Variants in ROR2 observed in about 807,000 individuals in gnomAD.
The protein encoded by ROR2 is tyrosine-protein kinase transmembrane receptor ROR2.
Under a neutral mutation model 74.9 loss-of-function variants are expected in ROR2, and 33 were observed. That is an observed-to-expected ratio of 0.44 (90% CI 0.33 to 0.59). The LOEUF (loss-of-function observed/expected upper bound fraction) is 0.59. Among genes scored for constraint, ROR2 ranks in the 20% least tolerant of loss-of-function variants. The pLI, the probability that ROR2 is intolerant of heterozygous loss-of-function variation, is 0.02. For missense variants in ROR2, 1,216 were observed against 1,313.8 expected (o/e 0.93, Z 1.15); for synonymous variants, 586 against 558.7 (o/e 1.05, Z -0.69).
At chr9:91,738,688 G>A (rs561585982) in intron 4 of ROR2, among the ~76,000 whole-genome samples, 2 of 152,350 alleles carry the variant, frequency 1.3e-5, no homozygotes, top group South Asian at 4.1e-4. Flanking sequence ...AGAACTCACA[G>A]AATGGCATAC....
intron 1 of ROR2, among the ~76,000 whole-genome samples, chr9:91,871,947 G>A (rs558742581): frequency 1.5e-4 from 23 of 152,026 alleles, no homozygotes; most frequent in Non-Finnish European, 2.9e-4. Flanking sequence ...GCATCTTACC[G>A]CAGCCAGCAT....
intron 1 of ROR2, among the ~76,000 whole-genome samples, chr9:91,917,321 C>T (rs1174709155): frequency 6.6e-6 from 1 of 152,148 alleles, no homozygotes; most frequent in African/African-American, 2.4e-5. Context: ...AATCTCAAAC[C>T]CAGACACGTG....
intron 5 of ROR2, 27 bp downstream of exon 5, chr9:91,737,364 C>A: frequency 6.2e-7 from 1 of 1,614,016 alleles, no homozygotes; most frequent in South Asian, 1.1e-5. Context: ...TGCTTATCAT[C>A]CTGGGAGAAA....
intron 2 of ROR2, among the ~76,000 whole-genome samples, chr9:91,771,270 C>T (rs971263590): frequency 5.3e-5 from 8 of 152,336 alleles, no homozygotes; most frequent in Non-Finnish European, 7.3e-5. Context: ...GGCCAGCAGA[C>T]GGGCGAGCCC....
intron 1 of ROR2, among the ~76,000 whole-genome samples, chr9:91,893,488 C>A (rs148920471): frequency 0.013 from 2,041 of 152,212 alleles, 26 homozygotes; most frequent in Middle Eastern, 0.024. Context: ...ACCAACCCTT[C>A]TTCCCCACAC....
At chr9:91,917,775 G>C (rs552500724) in intron 1 of ROR2, among the ~76,000 whole-genome samples, 58 of 152,342 alleles carry the variant, frequency 3.8e-4, no homozygotes, top group African/African-American at 1.3e-3. Context: ...AGCAAAGCCA[G>C]ACAGGCCAGC....
chr9:91,841,083 C>G (rs1828769290), intron 1 of ROR2, among the ~76,000 whole-genome samples: 1 of 152,234 alleles, frequency 6.6e-6, no homozygotes, highest in Non-Finnish European at 1.5e-5. Context: ...TGGGTCCAGT[C>G]TCATTCCCCG....
At chr9:91,887,794 T>TA (rs1830326574) in intron 1 of ROR2, among the ~76,000 whole-genome samples, 1 of 140,044 alleles carries the variant, frequency 7.1e-6, no homozygotes. Context: ...TTCTCTTTTT[T>TA]TTTTTTTTTT....
intron 1 of ROR2, 25 bp from the exon 2 acceptor site, chr9:91,775,843 TA>T (rs1331523562): frequency 1.2e-6 from 2 of 1,608,554 alleles, no homozygotes; most frequent in Non-Finnish European, 1.7e-6. Context: ...CCAGGATAGG[TA>T]TTAAACAAGT....
chr9:91,863,254 G>A (rs1234660892), intron 1 of ROR2, among the ~76,000 whole-genome samples: 1 of 152,186 alleles, frequency 6.6e-6, no homozygotes, highest in Non-Finnish European at 1.5e-5. Context: ...CTGAACTCCT[G>A]GCCTCAAGTG....
rs1335763127 is a variant in ROR2 at position 91,726,561 on chromosome 9, G to A, written c.1366C>T (p.Leu456Phe). ...GAGACCTGTTTGTGCTGGTTAATGA[G>A]GGGCATTTCCATGTCTTGGCTGGGC... Reference protein sequence around the residue: ...ASPSQDMEMPLINQHKQAKLK... With the variant: ...ASPSQDMEMPFINQHKQAKLK... The change falls in exon 8 of 9, where the codon CTC (leucine) becomes TTC (phenylalanine). Residue 456 changes from leucine to phenylalanine, a missense_variant. Transcript: ENST00000375708. 20 of 1,612,538 alleles carry A rather than the reference G, an allele frequency of 1.2e-5. No homozygotes were observed. The highest frequency in any genetic ancestry group is 1.6e-5 in the Non-Finnish European group (19 of 1,180,018).
intron 1 of ROR2, among the ~76,000 whole-genome samples, chr9:91,878,272 C>G (rs1830009644): frequency 6.6e-6 from 1 of 152,188 alleles, no homozygotes; most frequent in Non-Finnish European, 1.5e-5. Flanking sequence ...ATTGCGCCCT[C>G]CCTTTCCTGG....
intron 1 of ROR2, among the ~76,000 whole-genome samples, chr9:91,776,418 A>C (rs1228156057): frequency 6.6e-6 from 1 of 152,216 alleles, no homozygotes; most frequent in East Asian, 1.9e-4. Flanking sequence ...GCCATCTTTC[A>C]TAAAATGTCC....
At chr9:91,736,595 T>C (rs1049562064) in intron 5 of ROR2, among the ~76,000 whole-genome samples, 2 of 151,954 alleles carry the variant, frequency 1.3e-5, no homozygotes, top group African/African-American at 4.8e-5. Flanking sequence ...GGAGAGAAAA[T>C]GTGTATGTGT....
At chr9:91,737,363 T>C in intron 5 of ROR2, 28 bp downstream of exon 5, 1 of 1,614,008 alleles carries the variant, frequency 6.2e-7, no homozygotes, top group Middle Eastern at 1.6e-4. Context: ...ATGCTTATCA[T>C]CCTGGGAGAA....
At chr9:91,791,677 C>G (rs959210709) in intron 1 of ROR2, among the ~76,000 whole-genome samples, 2 of 152,054 alleles carry the variant, frequency 1.3e-5, no homozygotes, top group African/African-American at 2.4e-5. Flanking sequence ...AACAGAAGAA[C>G]TAGACAATAT....
intron 1 of ROR2, among the ~76,000 whole-genome samples, chr9:91,815,589 T>C (rs1319235725): frequency 2.0e-5 from 3 of 152,234 alleles, no homozygotes; most frequent in African/African-American, 7.2e-5. Flanking sequence ...ATAAACAGTG[T>C]AAATACTGTT....
At chr9:91,913,427 C>T (rs1325415597) in intron 1 of ROR2, among the ~76,000 whole-genome samples, 1 of 152,088 alleles carries the variant, frequency 6.6e-6, no homozygotes, top group Non-Finnish European at 1.5e-5. Context: ...TCTTGCTTTG[C>T]TAATAAATGA....
intron 1 of ROR2, among the ~76,000 whole-genome samples, chr9:91,911,559 T>C (rs1033873810): frequency 2.0e-5 from 3 of 151,992 alleles, no homozygotes; most frequent in African/African-American, 7.3e-5. Flanking sequence ...ATTCAATAAA[T>C]AGATAGGGAA....
Sources: allele counts gnomAD v4.1 joint callset (sites outside exome capture counted in the v4.1 genomes callset), GRCh38; gene constraint gnomAD v4.1.1; transcripts MANE v1.5; gene names NCBI Gene and HGNC (gene_info 2026-07-23, HGNC 2026-07-21).